ANO3: variants seen among roughly 807,000 people sequenced by gnomAD.
The protein encoded by ANO3 is anoctamin-3.
A neutral mutation model predicts 144.8 loss-of-function variants in ANO3; 99 were observed. The observed-to-expected ratio is 0.68, with a 90% CI of 0.58 to 0.81. ANO3 has a LOEUF of 0.81. Ranked by LOEUF, ANO3 falls within the 30% of genes least tolerant of loss-of-function variation. ANO3 has a pLI of 0.00. For synonymous variants in ANO3, 414 were observed against 392.6 expected (o/e 1.05, Z -0.64); for missense variants, 905 against 1,202.2 (o/e 0.75, Z 3.66).
At chr11:26,225,123 C>T (rs532869511) in intron 1 of ANO3, among the ~76,000 whole-genome samples, 1 of 152,082 alleles carries the variant, frequency 6.6e-6, no homozygotes, top group Admixed American at 6.5e-5. Context: ...ATTGTAGGCA[C>T]TGAACTAAAA....
chr11:26,279,679 A>G (rs561032065), intron 1 of ANO3, among the ~76,000 whole-genome samples: 42 of 152,282 alleles, frequency 2.8e-4, no homozygotes, highest in South Asian at 8.3e-4. Flanking sequence ...GGGACTTGCA[A>G]GTGGGGTCTC....
chr11:26,550,684 G>A (rs1476534372), intron 12 of ANO3, among the ~76,000 whole-genome samples: 1 of 151,768 alleles, frequency 6.6e-6, no homozygotes, highest in African/African-American at 2.4e-5. Context: ...ATAAACATTT[G>A]GATTGTTTCC....
intron 1 of ANO3, among the ~76,000 whole-genome samples, chr11:26,248,882 C>T (rs1348207913): frequency 6.6e-6 from 1 of 152,108 alleles, no homozygotes; most frequent in Admixed American, 6.5e-5. Flanking sequence ...TGTCAGATCA[C>T]ATTATATTCA....
At chr11:26,455,309 G>A (rs1859110619) in intron 3 of ANO3, among the ~76,000 whole-genome samples, 2 of 150,766 alleles carry the variant, frequency 1.3e-5, no homozygotes, top group African/African-American at 2.4e-5. Context: ...CGACATGATT[G>A]TATATCTAGA....
chr11:26,399,527 T>C, intron 1 of ANO3, among the ~76,000 whole-genome samples: 1 of 151,914 alleles, frequency 6.6e-6, no homozygotes, highest in East Asian at 1.9e-4. Context: ...GACTTCGTTC[T>C]GTCTCTGTGG....
At chr11:26,348,435 TGGGC>T (rs1855552612) in intron 1 of ANO3, among the ~76,000 whole-genome samples, 1 of 152,206 alleles carries the variant, frequency 6.6e-6, no homozygotes, top group Non-Finnish European at 1.5e-5. Context: ...GTATCGATAA[TGGGC>T]TTCTTTTACC....
At chr11:26,236,069 T>G (rs188383827) in intron 1 of ANO3, among the ~76,000 whole-genome samples, 25 of 152,296 alleles carry the variant, frequency 1.6e-4, no homozygotes, top group Admixed American at 1.2e-3. Context: ...CATACCAGTA[T>G]ACTGACTGTA....
rs561403401 is a variant in ANO3, at chr11:26,296,459, A to G, written c.155-13186A>G. Among the ~76,000 whole-genome samples the G allele has an allele frequency of 4.6e-5, 7 of 152,292 alleles. No homozygotes were observed. The East Asian group carries it at 1.4e-3, about 29-fold the overall frequency. On this transcript the variant is annotated intron_variant, in intron 1 of 27. Coordinates refer to the ANO3 transcript ENST00000672621. ...GATCATGTCTCTCTTTTACCAGCCT[A>G]TGAGGGAGAGAAAATATAATATGAC...
At chr11:26,654,202 A>G (rs1455612039) in intron 24 of ANO3, among the ~76,000 whole-genome samples, 1 of 152,156 alleles carries the variant, frequency 6.6e-6, no homozygotes, top group Non-Finnish European at 1.5e-5. Context: ...TTTTTTAAAA[A>G]TTTGAGAGAA....
At chr11:26,232,137 G>A (rs1852413328) in intron 1 of ANO3, among the ~76,000 whole-genome samples, 1 of 152,168 alleles carries the variant, frequency 6.6e-6, no homozygotes, top group Admixed American at 6.5e-5. Flanking sequence ...GAAGGTCTAT[G>A]TGGTCTGGTT....
Position 26,597,422 on chromosome 11 carries a change from G to A in ANO3, c.1448-943G>A, listed in dbSNP as rs146104799. ...GGGCACTTAGCCGTGCAGGAACAAC[G>A]GCAAGCCTCTAGCTGGATCCAGAGC... On this transcript the variant is annotated intron_variant, in intron 14 of 26. Coordinates refer to ENST00000256737, the MANE Select transcript of ANO3 (RefSeq NM_031418.4). 1.6e-3 allele frequency among the ~76,000 whole-genome samples: 239 copies of A among 152,278 alleles called. 1 individual carries two copies. The highest frequency in any genetic ancestry group is 5.5e-3 in the African/African-American group (228 of 41,564).
At chr11:26,232,992 C>T (rs186870842) in intron 1 of ANO3, among the ~76,000 whole-genome samples, 9 of 152,098 alleles carry the variant, frequency 5.9e-5, no homozygotes, top group African/African-American at 2.4e-5. Flanking sequence ...CCGAGGCAGG[C>T]GGATCACGAG....
At chr11:26,556,794 A>G (rs1850094738) in intron 13 of ANO3, among the ~76,000 whole-genome samples, 1 of 151,906 alleles carries the variant, frequency 6.6e-6, no homozygotes, top group Non-Finnish European at 1.5e-5. Flanking sequence ...TTCAATTCTG[A>G]CTCCCTGCCC....
upstream of ANO3, among the ~76,000 whole-genome samples, chr11:26,308,066 T>A (rs965980369): frequency 6.6e-6 from 1 of 152,228 alleles, no homozygotes; most frequent in Non-Finnish European, 1.5e-5. Context: ...TAGTTCAAAT[T>A]TATTATGGCT....
At chr11:26,391,760 CTATT>C (rs1335267849) in intron 1 of ANO3, among the ~76,000 whole-genome samples, 1 of 152,062 alleles carries the variant, frequency 6.6e-6, no homozygotes, top group African/African-American at 2.4e-5. Flanking sequence ...GACCCTATCT[CTATT>C]TAAGACACTC....
intron 1 of ANO3, among the ~76,000 whole-genome samples, chr11:26,288,829 T>C (rs78722383): frequency 0.064 from 9,752 of 152,122 alleles, 1,016 homozygotes; most frequent in African/African-American, 0.22. Context: ...GGATCTAATA[T>C]GCCATACCTA....
intron 14 of ANO3, chr11:26,560,947 G>T: frequency 1.0e-6 from 1 of 975,754 alleles, no homozygotes; most frequent in Non-Finnish European, 1.5e-6. Context: ...CTGCTTTTAT[G>T]ATTCTCCTTG....
At chr11:26,650,357 G>A (rs933923966) in intron 24 of ANO3, among the ~76,000 whole-genome samples, 1 of 152,144 alleles carries the variant, frequency 6.6e-6, no homozygotes, top group African/African-American at 2.4e-5. Flanking sequence ...AGAATTCAAG[G>A]TTTAGAATCA....
intron 3 of ANO3, among the ~76,000 whole-genome samples, chr11:26,462,769 G>A (rs1859460552): frequency 6.6e-6 from 1 of 151,730 alleles, no homozygotes; most frequent in African/African-American, 2.4e-5. Context: ...ACATTGAATA[G>A]CATAGATGAA....
Sources: gnomAD v4.1 joint callset for allele counts (sites outside exome capture counted in the v4.1 genomes callset) on GRCh38, gnomAD v4.1.1 for gene constraint, MANE v1.5 for transcripts, NCBI Gene and HGNC (gene_info 2026-07-23, HGNC 2026-07-21) for gene names.